Variants in SV2B observed in about 807,000 individuals in gnomAD.
SV2B encodes synaptic vesicle glycoprotein 2B.
Under a neutral mutation model 73.9 loss-of-function variants are expected in SV2B, and 41 were observed. The observed-to-expected ratio is 0.56, with a 90% CI of 0.43 to 0.72. SV2B has a LOEUF of 0.72. Ranked by LOEUF, SV2B falls within the 30% of genes least tolerant of loss-of-function variation. The probability of loss-of-function intolerance (pLI) is 0.00; values close to 1 mark genes in which losing one functional copy is unlikely to be tolerated. For synonymous variants in SV2B, 314 were observed against 314.2 expected (o/e 1.00, Z 0.01); for missense variants, 764 against 857.8 (o/e 0.89, Z 1.37).
rs958782254 is a variant in SV2B at position 91,283,705 on chromosome 15, C to A, written c.1508-316C>A. Among the ~76,000 whole-genome samples, 15 of 152,328 alleles carry A rather than the reference C, an allele frequency of 9.8e-5. No individual in the cohort carries two copies. The highest frequency in any genetic ancestry group is 3.6e-4 in the African/African-American group (15 of 41,574). ...CTGAGCTCAAGTGATCCTCCTACCTCGGCCTCCTCAAGTGCTGGGATTACA... is the reference window on the plus strand; with the variant it reads ...CTGAGCTCAAGTGATCCTCCTACCTAGGCCTCCTCAAGTGCTGGGATTACA... On this transcript the variant is annotated intron_variant, in intron 10 of 12. Coordinates refer to ENST00000394232, the MANE Select transcript of SV2B (RefSeq NM_001323032.3). The surrounding 1 kb of genome is among the most constrained non-coding windows in gnomAD (Gnocchi z 4.3).
rs2141156368 is a variant in SV2B at position 91,132,016 on chromosome 15, G to GT, written c.-392+31654dup. Among the ~76,000 whole-genome samples, 1 of 152,284 alleles carries GT rather than the reference G, an allele frequency of 6.6e-6. No homozygotes were observed. The highest frequency in any genetic ancestry group is 2.1e-4 in the South Asian group (1 of 4,818). On this transcript the variant is annotated intron_variant, in intron 1 of 12. Coordinates refer to ENST00000394232, the MANE Select transcript of SV2B (RefSeq NM_001323032.3). The surrounding 1 kb of genome is among the most constrained non-coding windows in gnomAD (Gnocchi z 4.6). ...TTAGCCAAGTGTGGTGATGTCACTGGTAGAGGGTCGTGACTGCAAGTTATT... is the reference window on the plus strand; with the variant it reads ...TTAGCCAAGTGTGGTGATGTCACTGGTTAGAGGGTCGTGACTGCAAGTTATT...
intron 1 of SV2B, among the ~76,000 whole-genome samples, chr15:91,225,359 C>T (rs2046338633): frequency 6.6e-6 from 1 of 152,092 alleles, no homozygotes; most frequent in Admixed American, 6.5e-5. Context: ...AGCCACTTCA[C>T]GACAAAGTTA....
chr15:91,178,716 T>C (rs1341878336), intron 1 of SV2B, among the ~76,000 whole-genome samples: 1 of 150,736 alleles, frequency 6.6e-6, no homozygotes, highest in East Asian at 2.0e-4. Context: ...GTAGTTCGTA[T>C]TTCTGTGGGA....
intron 1 of SV2B, among the ~76,000 whole-genome samples, chr15:91,185,755 A>G (rs1042119145): frequency 1.5e-4 from 23 of 152,200 alleles, no homozygotes; most frequent in African/African-American, 5.3e-4. Context: ...CTCTTGCAGT[A>G]CCTTGCAAGG....
chr15:91,144,225 CA>C (rs1335066939), intron 1 of SV2B, among the ~76,000 whole-genome samples: 2 of 152,142 alleles, frequency 1.3e-5, no homozygotes, highest in African/African-American at 2.4e-5. Context: ...TATGTACTTA[CA>C]AAAAACCAGA....
rs74038445 is a variant in SV2B at position 91,273,336 on chromosome 15, C to T, written c.1373+4731C>T. On this transcript the variant is annotated intron_variant, in intron 9 of 12. Coordinates refer to ENST00000394232, the MANE Select transcript of SV2B (RefSeq NM_001323032.3). The stretch of plus-strand genomic sequence containing the variant: ...TGTGACCTGTCTAAGCCTAGGATTC[C>T]ACATCAGAATGTGATAATATTGATG... 2.1e-3 allele frequency among the ~76,000 whole-genome samples: 324 copies of T among 152,236 alleles called. 3 individuals carry two copies. Among genetic ancestry groups the T allele is most frequent in the African/African-American group, 6.9e-3 (287 of 41,538 alleles).
chr15:91,196,328 G>A (rs1253184275), intron 1 of SV2B, among the ~76,000 whole-genome samples: 1 of 152,238 alleles, frequency 6.6e-6, no homozygotes, highest in Non-Finnish European at 1.5e-5. Flanking sequence ...ATGCTGTTAA[G>A]TGCTACTGCA....
At chr15:91,192,488 A>G (rs1211469125) in intron 1 of SV2B, among the ~76,000 whole-genome samples, 2 of 152,204 alleles carry the variant, frequency 1.3e-5, no homozygotes, top group Non-Finnish European at 2.9e-5. Flanking sequence ...CAGGTTCCTC[A>G]TGTGTAAAAT....
At chr15:91,209,550 T>C (rs543918489) in intron 1 of SV2B, among the ~76,000 whole-genome samples, 6 of 152,210 alleles carry the variant, frequency 3.9e-5, no homozygotes, top group Non-Finnish European at 5.9e-5. Flanking sequence ...TGTTGAGGAA[T>C]TTCATCACAC....
chr15:91,205,438 A>G (rs1203544614), intron 1 of SV2B, among the ~76,000 whole-genome samples: 2 of 146,854 alleles, frequency 1.4e-5, no homozygotes, highest in African/African-American at 2.5e-5. Context: ...TGATCTCGGT[A>G]CACTGCAGCC....
Position 91,259,198 on chromosome 15 carries a change from C to T in SV2B, c.918+644C>T, listed in dbSNP as rs559494600. 7.2e-5 allele frequency among the ~76,000 whole-genome samples: 11 copies of T among 152,344 alleles called. 1 individual carries two copies. In the South Asian group the frequency reaches 2.3e-3, roughly 32 times the overall value. Reference sequence around the variant, plus strand: ...CTGAGAGCTATGGTACAGCTCGTTGCTGCTCCTAAGCACTTCAGGTCTTTT... The same window carrying T: ...CTGAGAGCTATGGTACAGCTCGTTGTTGCTCCTAAGCACTTCAGGTCTTTT... On this transcript the variant is annotated intron_variant, in intron 5 of 12. Transcript: ENST00000394232.
chr15:91,252,617 G>C lies in SV2B; in HGVS notation c.784+97G>C. 1 of 1,319,268 alleles carries C rather than the reference G, an allele frequency of 7.6e-7. No individual in the cohort carries two copies. Among genetic ancestry groups the C allele is most frequent in the Non-Finnish European group, 9.9e-7 (1 of 1,014,134 alleles). 81.7% of individuals were successfully genotyped at this position (1,319,268 alleles called of 1,614,324 possible). A position where few individuals can be genotyped will look rare whatever the true frequency, so the allele number is the denominator to read the frequency against. On this transcript the variant is annotated intron_variant, in intron 4 of 12. Transcript: ENST00000394232. This position sits in a 1 kb window ranked among gnomAD's most constrained non-coding sequence, Gnocchi z 4.6. ...CCTCAGCCTTATTCCATGTACTCACGCACAGTTCCCGTACGTGACCTTGAT... is the reference window on the plus strand; with the variant it reads ...CCTCAGCCTTATTCCATGTACTCACCCACAGTTCCCGTACGTGACCTTGAT...
Position 91,207,109 on chromosome 15 carries a change from C to T in SV2B, c.-391-18764C>T, listed in dbSNP as rs185090548. ...ATGAGATCCTAGCTCTCACTGCAGTCTTCCCGGGCTCCAGTGATCCTCCCT... is the reference window on the plus strand; with the variant it reads ...ATGAGATCCTAGCTCTCACTGCAGTTTTCCCGGGCTCCAGTGATCCTCCCT... On this transcript the variant is annotated intron_variant, in intron 1 of 12. Transcript: ENST00000394232. Among the ~76,000 whole-genome samples, 332 of 151,420 alleles carry T rather than the reference C, an allele frequency of 2.2e-3. 1 individual carries two copies. The highest frequency in any genetic ancestry group is 7.3e-3 in the African/African-American group (302 of 41,188).
rs1487737684 is a variant in SV2B at position 91,280,111 on chromosome 15, T to G, written c.1374-1617T>G. Among the ~76,000 whole-genome samples, 4 of 152,234 alleles carry G rather than the reference T, an allele frequency of 2.6e-5. No homozygotes were observed. The highest frequency in any genetic ancestry group is 5.9e-5 in the Non-Finnish European group (4 of 68,038). ...TTTAATAATAACCTCAAGTTTATTC[T>G]GATGCAAGTGGTCTGGGGTCCTGCT... is the stretch of plus-strand genomic sequence containing the variant. On this transcript the variant is annotated intron_variant, in intron 9 of 12. Transcript: ENST00000394232. This position sits in a 1 kb window ranked among gnomAD's most constrained non-coding sequence, Gnocchi z 5.8.
In SV2B at chr15:91,284,816, C is replaced by T. The variant is rs761831935; in HGVS notation, c.1708+595C>T. Among the ~76,000 whole-genome samples, 3 of 152,132 alleles carry T rather than the reference C, an allele frequency of 2.0e-5. No homozygotes were observed. The highest frequency in any genetic ancestry group is 7.2e-5 in the African/African-American group (3 of 41,394). ...AAGGTACCTGTAACACTTGGCACATCGTCGGTTCTCAAAAATGGTAGCTAT... is the reference window on the plus strand; with the variant it reads ...AAGGTACCTGTAACACTTGGCACATTGTCGGTTCTCAAAAATGGTAGCTAT... On this transcript the variant is annotated intron_variant, in intron 11 of 12. Coordinates refer to ENST00000394232, the MANE Select transcript of SV2B (RefSeq NM_001323032.3). This position sits in a 1 kb window ranked among gnomAD's most constrained non-coding sequence, Gnocchi z 4.5.
At chr15:91,158,729 T>TCTCCTCTCC (rs1567300891) in intron 1 of SV2B, among the ~76,000 whole-genome samples, 1 of 59,108 alleles carries the variant, frequency 1.7e-5, no homozygotes, top group Admixed American at 1.7e-4. Context: ...CTCTCCTCTC[T>TCTCCTCTCC]TCTCCTCTTT....
intron 1 of SV2B, among the ~76,000 whole-genome samples, chr15:91,171,609 G>A (rs1053367340): frequency 3.9e-5 from 6 of 152,268 alleles, no homozygotes; most frequent in African/African-American, 1.2e-4. Flanking sequence ...CTCAGAGACC[G>A]TGCCTACAGT....
At chr15:91,126,374 C>T (rs376747656) in intron 1 of SV2B, among the ~76,000 whole-genome samples, 1 of 152,172 alleles carries the variant, frequency 6.6e-6, no homozygotes, top group African/African-American at 2.4e-5. Context: ...TTCTGTCTTA[C>T]AGGTAGAGCT....
At chr15:91,187,467 C>G (rs1203722455) in intron 1 of SV2B, among the ~76,000 whole-genome samples, 1 of 152,210 alleles carries the variant, frequency 6.6e-6, no homozygotes, top group Non-Finnish European at 1.5e-5. Context: ...GTGCTGAAAG[C>G]TGCTCCTGCT....
Sources: gnomAD v4.1 joint callset for allele counts (sites outside exome capture counted in the v4.1 genomes callset) on GRCh38, gnomAD v4.1.1 for gene constraint, Gnocchi (gnomAD v3.1) non-coding constraint, MANE v1.5 for transcripts, NCBI Gene and HGNC (gene_info 2026-07-23, HGNC 2026-07-21) for gene names.